ACTL6A: variants seen among roughly 807,000 people sequenced by gnomAD.
ACTL6A encodes actin like 6A.
ACTL6A carries 5 observed loss-of-function variants against 59.2 expected under a neutral mutation model. The ratio of observed to expected loss-of-function variants is 0.08; its 90% CI spans 0.04 to 0.18. ACTL6A has a LOEUF of 0.18. ACTL6A is among the 10% of genes least tolerant of loss of function. The pLI is 1.00. For synonymous variants in ACTL6A, 154 were observed against 171.8 expected, an observed-to-expected ratio of 0.90 and a Z score of 0.81; for missense variants, 285 against 526.9, an observed-to-expected ratio of 0.54 and a Z score of 4.49.
At chr3:179,578,805 A>C (rs538773559) in intron 8 of ACTL6A, among the ~76,000 whole-genome samples, 1 of 152,060 alleles carries the variant, frequency 6.6e-6, no homozygotes, top group Non-Finnish European at 1.5e-5. Flanking sequence ...TTGCTTTGTC[A>C]CCCAGGCTGG....
chr3:179,582,519 C>T (rs1718366986), intron 11 of ACTL6A, among the ~76,000 whole-genome samples: 1 of 152,144 alleles, frequency 6.6e-6, no homozygotes, highest in African/African-American at 2.4e-5. Context: ...AGAAAAGTAG[C>T]AATAATTTTG....
chr3:179,583,756 T>C lies in ACTL6A; in HGVS notation c.1122+308T>C, dbSNP rs2108369968. Reference sequence around the variant, plus strand: ...GCAGAAAATGATGACTGTAACATGCTCAACAATTCAGTATGTCATGAACGA... The same window carrying C: ...GCAGAAAATGATGACTGTAACATGCCCAACAATTCAGTATGTCATGAACGA... On this transcript the variant is annotated intron_variant, in intron 12 of 13. Coordinates refer to ENST00000429709, the MANE Select transcript of ACTL6A (RefSeq NM_004301.5). 5 of 203,952 alleles carry C rather than the reference T, an allele frequency of 2.5e-5. No homozygotes were observed. In the South Asian group the frequency reaches 4.1e-4, roughly 17 times the overall value. The allele number at this position is 203,952 out of a possible 1,614,324, so 12.6% of individuals were successfully genotyped here. A position where few individuals can be genotyped will look rare whatever the true frequency, so the allele number is the denominator to read the frequency against.
chr3:179,584,240 T>C (rs781447059), intron 12 of ACTL6A: 1 of 152,230 alleles, frequency 6.6e-6, no homozygotes, highest in African/African-American at 2.4e-5. Flanking sequence ...GGGTATATTA[T>C]AATAACTTTT....
chr3:179,566,783 G>A (rs1717848839), intron 1 of ACTL6A, among the ~76,000 whole-genome samples: 1 of 152,048 alleles, frequency 6.6e-6, no homozygotes, highest in Admixed American at 6.6e-5. Flanking sequence ...TCCGCCTGCC[G>A]GGTTCAAGCA....
intron 1 of ACTL6A, among the ~76,000 whole-genome samples, chr3:179,568,180 A>G (rs1717895844): frequency 1.3e-5 from 2 of 151,686 alleles, no homozygotes; most frequent in African/African-American, 2.4e-5. Context: ...GTGTCAAAAA[A>G]AAAAAAAAAA....
intron 11 of ACTL6A, among the ~76,000 whole-genome samples, chr3:179,582,318 C>T (rs909868656): frequency 6.6e-6 from 1 of 152,178 alleles, no homozygotes; most frequent in Non-Finnish European, 1.5e-5. Context: ...ATGATTTAGA[C>T]ATTTGAAGTA....
At chr3:179,577,079 A>G (rs1039859754) in intron 8 of ACTL6A, among the ~76,000 whole-genome samples, 166 bp downstream of exon 8, 3 of 152,178 alleles carry the variant, frequency 2.0e-5, no homozygotes, top group Admixed American at 6.5e-5. Flanking sequence ...TAAATAGAAC[A>G]TGATCTCAGG....
At chr3:179,563,780 T>G (rs987419506) in intron 1 of ACTL6A, among the ~76,000 whole-genome samples, 2 of 152,178 alleles carry the variant, frequency 1.3e-5, no homozygotes, top group Admixed American at 1.3e-4. Context: ...CACGTGTAAT[T>G]TAAGGATGCC....
chr3:179,576,307 A>G lies in ACTL6A; in HGVS notation c.567A>G (p.Gln189=), dbSNP rs758999228. The change falls in exon 6 of 14, where the codon CAA becomes CAG. Residue 189 remains glutamine, a synonymous_variant. Transcript: ENST00000429709. ...AIPVHDGYVL[Q]QGIVKSPLAG... ...CAGTCCACGATGGCTATGTCCTTCA[A>G]CAAGGTAAATGTATTTAACCAGGAT... 1.3e-5 allele frequency: 20 copies of G among 1,594,990 alleles called. No individual in the cohort carries two copies. Among genetic ancestry groups the G allele is most frequent in the South Asian group, 2.3e-5 (2 of 87,636 alleles).
At chr3:179,581,308 A>G in intron 11 of ACTL6A, 88 bp downstream of exon 11, 1 of 1,077,896 alleles carries the variant, frequency 9.3e-7, no homozygotes, top group Non-Finnish European at 1.4e-6. Flanking sequence ...CAGTGATCTA[A>G]TGGTTGTCAG....
intron 4 of ACTL6A, 47 bp from the exon 5 acceptor site, chr3:179,574,323 C>A (rs770486972): frequency 7.9e-7 from 1 of 1,258,804 alleles, no homozygotes; most frequent in Non-Finnish European, 1.2e-6. Flanking sequence ...GATAAATCAA[C>A]TTTTTAATTC....
chr3:179,574,346 A>C (rs1718103615), intron 4 of ACTL6A, 24 bp from the exon 5 acceptor site: 1 of 1,476,838 alleles, frequency 6.8e-7, no homozygotes, highest in African/African-American at 1.4e-5. Flanking sequence ...AATAACTTGC[A>C]TTTCTTTTTC....
Position 179,562,954 on chromosome 3 carries a change from A to C in ACTL6A, c.-139A>C. 1 of 1,137,720 alleles carries C rather than the reference A, an allele frequency of 8.8e-7. No individual in the cohort carries two copies. The highest frequency in any genetic ancestry group is 1.3e-6 in the Non-Finnish European group (1 of 782,514). The allele number at this position is 1,137,720 out of a possible 1,614,324, so 70.5% of individuals were successfully genotyped here. On this transcript the variant is annotated 5_prime_UTR_variant, in exon 1 of 14. Coordinates refer to ENST00000429709, the MANE Select transcript of ACTL6A (RefSeq NM_004301.5). ...TGTGGCTGAGCTCCGGGGTGTGTGG[A>C]CGCCGCTTTGTTGCCTGAGGTGGGT...
chr3:179,572,381 T>C (rs1302997080), intron 3 of ACTL6A, among the ~76,000 whole-genome samples: 3 of 152,234 alleles, frequency 2.0e-5, no homozygotes, highest in East Asian at 3.8e-4. Context: ...TGTGGAAATA[T>C]ATAATTAATG....
intron 1 of ACTL6A, among the ~76,000 whole-genome samples, chr3:179,568,833 T>TG (rs1284311977): frequency 7.2e-5 from 11 of 152,338 alleles, no homozygotes; most frequent in African/African-American, 2.6e-4. Flanking sequence ...TTCATATACA[T>TG]GAAAGCACTT....
At chr3:179,578,418 C>T (rs756574394) in intron 8 of ACTL6A, among the ~76,000 whole-genome samples, 4 of 152,114 alleles carry the variant, frequency 2.6e-5, no homozygotes, top group Non-Finnish European at 4.4e-5. Context: ...GGTGCCACTG[C>T]GCTCCTGCCT....
At chr3:179,563,310 C>T in intron 1 of ACTL6A, 193 bp downstream of exon 1, 2 of 971,462 alleles carry the variant, frequency 2.1e-6, no homozygotes, top group East Asian at 2.7e-5. Flanking sequence ...TCCTCGGGCT[C>T]CCTGAAGTGG....
chr3:179,583,250 C>A, intron 11 of ACTL6A, 103 bp from the exon 12 acceptor site: 3 of 886,776 alleles, frequency 3.4e-6, no homozygotes, highest in Non-Finnish European at 5.3e-6. Context: ...TTCCAAAAAA[C>A]GAAAGGGAAA....
intron 8 of ACTL6A, among the ~76,000 whole-genome samples, chr3:179,577,797 C>T (rs1718213130): frequency 6.6e-6 from 1 of 151,282 alleles, no homozygotes. Flanking sequence ...CCTGTTCCTT[C>T]AAAGGACATG....
Sources: gnomAD v4.1 joint callset for allele counts (sites outside exome capture counted in the v4.1 genomes callset) on GRCh38, gnomAD v4.1.1 for gene constraint, MANE v1.5 for transcripts, NCBI Gene and HGNC (gene_info 2026-07-23, HGNC 2026-07-21) for gene names.